MBP: variants seen among roughly 807,000 people sequenced by gnomAD.
MBP encodes the protein Golli-MBP.
Under a neutral mutation model 35.8 loss-of-function variants are expected in MBP, and 16 were observed. That is an observed-to-expected ratio of 0.45 (90% CI 0.30 to 0.68). The LOEUF (loss-of-function observed/expected upper bound fraction) is 0.68, where lower values mean the gene tolerates loss of function less well. Ranked by LOEUF, MBP falls within the 30% of genes least tolerant of loss-of-function variation. MBP has a pLI of 0.08. For missense variants in MBP, 380 were observed against 404.7 expected (o/e 0.94, Z 0.52); for synonymous variants, 143 against 159.6 (o/e 0.90, Z 0.78).
chr18:77,121,989 T>C (rs1015027309), intron 1 of MBP, among the ~76,000 whole-genome samples: 1 of 152,210 alleles, frequency 6.6e-6, no homozygotes, highest in African/African-American at 2.4e-5. Context: ...TTATCTGGTA[T>C]TTTCAGGCAA....
At chr18:77,116,269 C>T (rs1362290357) in intron 1 of MBP, among the ~76,000 whole-genome samples, 1 of 152,248 alleles carries the variant, frequency 6.6e-6, no homozygotes, top group African/African-American at 2.4e-5. Context: ...TCACCATGGT[C>T]TCACGAAAGA....
At chr18:77,065,587 A>T (rs999333622) in intron 3 of MBP, among the ~76,000 whole-genome samples, 1 of 152,226 alleles carries the variant, frequency 6.6e-6, no homozygotes, top group African/African-American at 2.4e-5. Flanking sequence ...ATGCCTTCTG[A>T]GTCACTCTTT....
chr18:76,985,473 C>T, intron 7 of MBP: 1 of 1,186,742 alleles, frequency 8.4e-7, no homozygotes, highest in African/African-American at 1.6e-5. Context: ...AATGTCGAGC[C>T]TCGTATCTTT....
intron 3 of MBP, among the ~76,000 whole-genome samples, chr18:77,062,093 CTT>C (rs954408643): frequency 4.9e-4 from 74 of 152,354 alleles, no homozygotes; most frequent in African/African-American, 1.7e-3. Flanking sequence ...CCAGCCCTGT[CTT>C]TGAGATGCCT....
chr18:76,985,090 G>T (rs1348286248), intron 7 of MBP, 196 bp from the exon 8 acceptor site: 1 of 1,515,988 alleles, frequency 6.6e-7, no homozygotes, highest in Non-Finnish European at 8.9e-7. Context: ...GTCTACCAGG[G>T]TGTTGGCCGC....
In MBP at chr18:77,009,792, TCAGGAAACGGCAGGTCACCC is replaced by T. The variant is rs146126714; in HGVS notation, c.576+7020_576+7039del. 3.8e-3 allele frequency: 5,548 copies of T among 1,451,556 alleles called. 164 individuals carry two copies. In the African/African-American group the frequency reaches 0.067, roughly 17 times the overall value. The allele number at this position is 1,451,556 out of a possible 1,614,324, so 89.9% of individuals were successfully genotyped here. ...GCCCCGAGGGACAGTGGCTGAGAGC[TCAGGAAACGGCAGGTCACCC>T]CTGGCCCCGATGGGTGAGGACCCGC... On this transcript the variant is annotated intron_variant, in intron 4 of 8. Transcript: ENST00000355994.
intron 4 of MBP, among the ~76,000 whole-genome samples, chr18:77,012,214 C>T (rs1971392779): frequency 6.6e-6 from 1 of 152,202 alleles, no homozygotes; most frequent in South Asian, 2.1e-4. Context: ...TTTCAGAGAG[C>T]CAGCACCATC....
At chr18:77,043,181 A>G (rs1377525508) in intron 3 of MBP, among the ~76,000 whole-genome samples, 1 of 152,242 alleles carries the variant, frequency 6.6e-6, no homozygotes, top group Non-Finnish European at 1.5e-5. Context: ...TAGAGGAGGT[A>G]GAGACTTCTA....
At position 77,055,585 on chromosome 18, in the gene MBP, TTCTC is replaced by T. The variant is rs138095026; in HGVS notation, c.139+10709_139+10712del. On this transcript the variant is annotated intron_variant, in intron 3 of 8. Transcript: ENST00000355994. The stretch of plus-strand genomic sequence containing the variant: ...CTTCCTTCCTTTTCTTTCTCTTTCT[TTCTC>T]TCTCTCTCTCTCTTTCTTTCTCTTT... 3.6e-4 allele frequency among the ~76,000 whole-genome samples: 55 copies of T among 151,186 alleles called. 1 individual carries two copies. Among genetic ancestry groups the T allele is most frequent in the South Asian group, 1.9e-3 (9 of 4,764 alleles).
rs745680511 is a variant in MBP at position 76,984,816 on chromosome 18, C to T, written c.829G>A (p.Gly277Arg). 5.0e-6 allele frequency: 8 copies of T among 1,613,994 alleles called. No individual in the cohort carries two copies. Among genetic ancestry groups the T allele is most frequent in the Admixed American group, 1.7e-5 (1 of 60,018 alleles). The change falls in exon 8 of 9, where the codon GGA becomes AGA. Residue 277 changes from glycine to arginine, a missense_variant. Transcript: ENST00000355994. Reference protein sequence around the residue: ...DYKSAHKGFKGVDAQGTLSKI... With the variant: ...DYKSAHKGFKRVDAQGTLSKI... Reference sequence around the variant, plus strand: ...GAAAGCGTGCCCTGGGCATCGACTCCCTTGAATCCCTTGTGAGCCGATTTA... The same window carrying T: ...GAAAGCGTGCCCTGGGCATCGACTCTCTTGAATCCCTTGTGAGCCGATTTA...
chr18:77,002,262 TAC>T (rs1007006415), intron 4 of MBP, among the ~76,000 whole-genome samples: 1 of 152,218 alleles, frequency 6.6e-6, no homozygotes, highest in Non-Finnish European at 1.5e-5. Context: ...GGGCCTTTGC[TAC>T]AGAGATGCAC....
intron 4 of MBP, chr18:77,015,092 A>G: frequency 1.0e-6 from 1 of 982,920 alleles, no homozygotes; most frequent in Non-Finnish European, 1.2e-6. Context: ...TAATCTTACC[A>G]TAAAGGAAGA....
chr18:77,127,115 C>T (rs570151903), intron 1 of MBP, among the ~76,000 whole-genome samples: 21 of 152,324 alleles, frequency 1.4e-4, no homozygotes, highest in Non-Finnish European at 2.6e-4. Context: ...GGAAGTCACT[C>T]CACCTGATTA....
intron 2 of MBP, chr18:77,087,554 TC>T (rs1206019038): frequency 6.6e-6 from 1 of 152,178 alleles, no homozygotes; most frequent in African/African-American, 2.4e-5. Context: ...CGCACTTCAT[TC>T]CTGCACAGGC....
chr18:77,066,679 C>T (rs757086654), intron 2 of MBP: 7 of 603,224 alleles, frequency 1.2e-5, no homozygotes, highest in Non-Finnish European at 1.9e-5. Context: ...ACATGCCATC[C>T]CATTTATTCC....
At chr18:77,091,030 C>G (rs547396442) in intron 2 of MBP, among the ~76,000 whole-genome samples, 1 of 152,346 alleles carries the variant, frequency 6.6e-6, no homozygotes, top group South Asian at 2.1e-4. Flanking sequence ...GCTCACAGGA[C>G]ATTCCTCAAA....
intron 3 of MBP, among the ~76,000 whole-genome samples, chr18:77,038,721 A>G (rs12961856): frequency 0.32 from 48,479 of 152,192 alleles, 7,843 homozygotes; most frequent in South Asian, 0.48. Flanking sequence ...ATATATATGT[A>G]TGCATATATG....
intron 4 of MBP, among the ~76,000 whole-genome samples, chr18:77,001,236 C>G (rs774144299): frequency 6.6e-6 from 1 of 152,218 alleles, no homozygotes; most frequent in Non-Finnish European, 1.5e-5. Flanking sequence ...CCAGGTGGGA[C>G]CATGCAGGGC....
intron 2 of MBP, among the ~76,000 whole-genome samples, chr18:77,073,012 CT>C (rs1338308752): frequency 6.6e-6 from 1 of 152,200 alleles, no homozygotes; most frequent in African/African-American, 2.4e-5. Context: ...TTAGATTCCT[CT>C]CCAATTAATC....
Sources: gnomAD v4.1 joint callset for allele counts (sites outside exome capture counted in the v4.1 genomes callset) on GRCh38, gnomAD v4.1.1 for gene constraint, MANE v1.5 for transcripts, NCBI Gene and HGNC (gene_info 2026-07-23, HGNC 2026-07-21) for gene names.